FGF14: variants seen among roughly 807,000 people sequenced by gnomAD.
The protein encoded by FGF14 is fibroblast growth factor 14.
In FGF14, 5 loss-of-function variants were observed where a neutral mutation model predicts 25.5. The observed-to-expected ratio is 0.20, with a 90% confidence interval of 0.10 to 0.41. FGF14 has a LOEUF of 0.41. FGF14 is among the 10% of genes least tolerant of loss of function. The pLI is 1.00. For synonymous variants in FGF14, 138 were observed against 118.3 expected, an observed-to-expected ratio of 1.17 and a Z score of -1.08; for missense variants, 222 against 320.1, an observed-to-expected ratio of 0.69 and a Z score of 2.34.
intron 3 of FGF14, among the ~76,000 whole-genome samples, chr13:101,747,605 C>T (rs114551291): frequency 6.6e-6 from 1 of 152,018 alleles, no homozygotes; most frequent in Non-Finnish European, 1.5e-5. Flanking sequence ...ACATGCTCAA[C>T]ATTGCTGATC....
At chr13:102,376,707 A>G (rs2058049137) in intron 1 of FGF14, among the ~76,000 whole-genome samples, 1 of 152,276 alleles carries the variant, frequency 6.6e-6, no homozygotes, top group African/African-American at 2.4e-5. Flanking sequence ...AAGTAACTTT[A>G]AATGAAGTTT....
Position 102,161,705 on chromosome 13 carries a change from A to G in FGF14, c.208+239766T>C, listed in dbSNP as rs1426571205. Among the ~76,000 whole-genome samples the G allele has an allele frequency of 8.7e-5, 13 of 149,782 alleles. 1 individual carries two copies. The highest frequency in any genetic ancestry group is 3.5e-3 in the Middle Eastern group (1 of 288). Reference sequence around the variant, plus strand: ...AAGAAGAAGAAGAAGAAGAAGAAGAAGAAGAAGAAGAAGAAGAAGAATAGA... The same window carrying G: ...AAGAAGAAGAAGAAGAAGAAGAAGAGGAAGAAGAAGAAGAAGAAGAATAGA... On this transcript the variant is annotated intron_variant, in intron 1 of 4. Transcript: ENST00000376131.
intron 1 of FGF14, among the ~76,000 whole-genome samples, chr13:102,342,878 T>C (rs2056993486): frequency 6.6e-6 from 1 of 152,184 alleles, no homozygotes; most frequent in Non-Finnish European, 1.5e-5. Flanking sequence ...GCTGTTTTTC[T>C]TAGCCTAAAG....
intron 1 of FGF14, among the ~76,000 whole-genome samples, chr13:102,036,229 C>T (rs1163156665): frequency 6.6e-6 from 1 of 152,132 alleles, no homozygotes; most frequent in Non-Finnish European, 1.5e-5. Context: ...CATCACATTT[C>T]TTATGTCAAC....
At chr13:101,971,102 C>G (rs2037561299) in intron 1 of FGF14, among the ~76,000 whole-genome samples, 1 of 152,128 alleles carries the variant, frequency 6.6e-6, no homozygotes, top group South Asian at 2.1e-4. Flanking sequence ...GTTCCCTTCA[C>G]CCCAATAGAT....
At position 102,195,324 on chromosome 13, in the gene FGF14, A is replaced by G. The variant is rs1159457388; in HGVS notation, c.208+206147T>C. ...GTGCTGATGGACTTATAATCTGTAA[A>G]TATTTATTCTTATATAAGAGCACAA... On this transcript the variant is annotated intron_variant, in intron 1 of 4. Transcript: ENST00000376131. Among the ~76,000 whole-genome samples, 3 of 152,262 alleles carry G rather than the reference A, an allele frequency of 2.0e-5. 1 individual carries two copies.
intron 1 of FGF14, among the ~76,000 whole-genome samples, chr13:102,125,043 G>T (rs1260014731): frequency 2.0e-5 from 3 of 151,988 alleles, no homozygotes; most frequent in Non-Finnish European, 4.4e-5. Flanking sequence ...TAACCATATG[G>T]TTTCACAACA....
intron 1 of FGF14, chr13:102,300,350 T>C (rs1297645950): frequency 1.3e-5 from 2 of 151,134 alleles, no homozygotes; most frequent in African/African-American, 4.9e-5. Context: ...AAATGTAATC[T>C]ATGCCTCGAG....
chr13:101,744,186 G>T (rs1427873381), intron 3 of FGF14, among the ~76,000 whole-genome samples: 1 of 152,062 alleles, frequency 6.6e-6, no homozygotes, highest in Non-Finnish European at 1.5e-5. Flanking sequence ...GGGAGCTTGT[G>T]GGTGATTTTT....
chr13:102,170,538 G>A (rs1240109288), intron 1 of FGF14, among the ~76,000 whole-genome samples: 1 of 152,084 alleles, frequency 6.6e-6, no homozygotes, highest in Non-Finnish European at 1.5e-5. Flanking sequence ...ACAGAAGCAC[G>A]CATTTTACAA....
chr13:102,366,662 G>C (rs531529765), intron 1 of FGF14: 1 of 138,162 alleles, frequency 7.2e-6, no homozygotes, highest in African/African-American at 2.7e-5. Flanking sequence ...TCTAGATTCT[G>C]TCTTCCTCCT....
At chr13:101,945,411 C>T (rs2035738360) in intron 1 of FGF14, among the ~76,000 whole-genome samples, 1 of 152,132 alleles carries the variant, frequency 6.6e-6, no homozygotes, top group African/African-American at 2.4e-5. Context: ...ATAATCCAAA[C>T]ACGTAAGTCT....
chr13:101,955,631 G>T (rs1169636089), intron 1 of FGF14, among the ~76,000 whole-genome samples: 1 of 152,232 alleles, frequency 6.6e-6, no homozygotes, highest in Non-Finnish European at 1.5e-5. Context: ...CAAGTCTCCT[G>T]AGGGGAAGGG....
At chr13:101,995,085 AAT>A (rs1490562546) in intron 1 of FGF14, among the ~76,000 whole-genome samples, 1 of 152,146 alleles carries the variant, frequency 6.6e-6, no homozygotes, top group African/African-American at 2.4e-5. Context: ...TAGCAATTTG[AAT>A]AGAGCATATT....
At chr13:101,928,163 GC>G (rs919203301) in intron 1 of FGF14, among the ~76,000 whole-genome samples, 3 of 152,176 alleles carry the variant, frequency 2.0e-5, no homozygotes, top group African/African-American at 7.2e-5. Flanking sequence ...AAGGTCTGCT[GC>G]CCAGGAGATT....
chr13:102,159,148 A>AAG (rs2047505695), intron 1 of FGF14, among the ~76,000 whole-genome samples: 1 of 150,738 alleles, frequency 6.6e-6, no homozygotes, highest in Admixed American at 6.6e-5. Context: ...TCAAAAAAAA[A>AAG]AAAAAAAAAG....
chr13:102,233,242 C>T (rs2051165613), intron 1 of FGF14, among the ~76,000 whole-genome samples: 1 of 152,138 alleles, frequency 6.6e-6, no homozygotes, highest in African/African-American at 2.4e-5. Flanking sequence ...TCAAGCGATT[C>T]TCATGCCTCA....
chr13:101,821,165 T>G (rs12428269), intron 3 of FGF14, among the ~76,000 whole-genome samples: 32,140 of 151,886 alleles, frequency 0.21, 3,581 homozygotes, highest in Admixed American at 0.26. Flanking sequence ...AGCCAGGATG[T>G]TCTCGATCTC....
intron 3 of FGF14, among the ~76,000 whole-genome samples, chr13:101,734,910 T>C (rs193083362): frequency 3.9e-5 from 6 of 152,336 alleles, no homozygotes; most frequent in Non-Finnish European, 7.4e-5. Flanking sequence ...TTTTAAGATA[T>C]GTGATCAATT....
Sources: allele counts gnomAD v4.1 joint callset (sites outside exome capture counted in the v4.1 genomes callset), GRCh38; gene constraint gnomAD v4.1.1; transcripts MANE v1.5; gene names NCBI Gene and HGNC (gene_info 2026-07-23, HGNC 2026-07-21).